Variants in CCBE1 observed in about 807,000 individuals in gnomAD.
The protein encoded by CCBE1 is collagen and calcium binding EGF domains 1, also known as collagen and calcium-binding EGF domain-containing protein 1.
In CCBE1, 37 loss-of-function variants were observed where a neutral mutation model predicts 50.0. The observed-to-expected ratio is 0.74, with a 90% CI of 0.57 to 0.97. The LOEUF (loss-of-function observed/expected upper bound fraction) is 0.97, where lower values mean the gene tolerates loss of function less well. Among genes scored for constraint, CCBE1 ranks in the 50% least tolerant of loss-of-function variants. CCBE1 has a pLI of 0.00. For synonymous variants in CCBE1, 234 were observed against 203.7 expected, an observed-to-expected ratio of 1.15 and a Z score of -1.27; for missense variants, 538 against 523.8, an observed-to-expected ratio of 1.03 and a Z score of -0.26.
intron 2 of CCBE1, among the ~76,000 whole-genome samples, chr18:59,604,810 T>C (rs904962527): frequency 6.6e-6 from 1 of 152,230 alleles, no homozygotes; most frequent in Admixed American, 6.5e-5. Context: ...TAGCAGTAAA[T>C]GTACTTTAAT....
intron 2 of CCBE1, among the ~76,000 whole-genome samples, chr18:59,536,381 A>C (rs1289994936): frequency 6.6e-6 from 1 of 152,174 alleles, no homozygotes; most frequent in Non-Finnish European, 1.5e-5. Context: ...CACCATGAGC[A>C]CCACCCTCCA....
At position 59,510,710 on chromosome 18, in the gene CCBE1, CCA is replaced by C. The variant is rs1361419101; in HGVS notation, c.213-30474_213-30473del. On this transcript the variant is annotated intron_variant, in intron 2 of 10. Coordinates refer to ENST00000439986, the MANE Select transcript of CCBE1 (RefSeq NM_133459.4). The stretch of plus-strand genomic sequence containing the variant: ...GTGCTGGGATTACAGGCAGGAGCCA[CCA>C]CACCCGGCCAGTTGCCAATTCAACT... Among the ~76,000 whole-genome samples, 6 of 152,350 alleles carry C rather than the reference CCA, an allele frequency of 3.9e-5. 1 individual carries two copies. In the East Asian group the frequency reaches 9.6e-4, roughly 24 times the overall value.
At chr18:59,449,336 G>A (rs1394692043) in intron 6 of CCBE1, among the ~76,000 whole-genome samples, 1 of 151,634 alleles carries the variant, frequency 6.6e-6, no homozygotes, top group Non-Finnish European at 1.5e-5. Context: ...AATGCTGTCT[G>A]GGGGCCTGGG....
chr18:59,526,319 T>G (rs1346056851), intron 2 of CCBE1, among the ~76,000 whole-genome samples: 4 of 151,376 alleles, frequency 2.6e-5, no homozygotes, highest in African/African-American at 7.3e-5. Flanking sequence ...ATTTTTTTTT[T>G]TTTTTTTGGA....
At chr18:59,511,762 G>A (rs1914142508) in intron 2 of CCBE1, among the ~76,000 whole-genome samples, 1 of 152,138 alleles carries the variant, frequency 6.6e-6, no homozygotes, top group South Asian at 2.1e-4. Context: ...AGAGATTGAT[G>A]TCATCAGCAG....
At chr18:59,466,436 A>G (rs1911746703) in intron 5 of CCBE1, among the ~76,000 whole-genome samples, 1 of 151,954 alleles carries the variant, frequency 6.6e-6, no homozygotes, top group East Asian at 1.9e-4. Flanking sequence ...TGGAACTGTG[A>G]GTTTTTTAAA....
At chr18:59,447,873 G>C in intron 7 of CCBE1, 110 bp downstream of exon 7, 1 of 1,546,148 alleles carries the variant, frequency 6.5e-7, no homozygotes, top group South Asian at 1.1e-5. Flanking sequence ...CACCTGCCTT[G>C]TTTCTCCTCG....
At chr18:59,546,675 CA>C (rs1346695699) in intron 2 of CCBE1, among the ~76,000 whole-genome samples, 1 of 152,146 alleles carries the variant, frequency 6.6e-6, no homozygotes, top group Non-Finnish European at 1.5e-5. Context: ...TTAAGAAATC[CA>C]AATCCCTTCC....
In CCBE1 at chr18:59,434,184, G is replaced by C. The variant is rs556647312; in HGVS notation, c.*1724C>G. The stretch of plus-strand genomic sequence containing the variant: ...ATTAGAGGCGTGGGCTACCACACCC[G>C]GCCAAGAGGGATTTTCTTTAAGCAA... On this transcript the variant is annotated 3_prime_UTR_variant, in exon 11 of 11. Transcript: ENST00000439986. 1.3e-5 allele frequency: 2 copies of C among 152,172 alleles called. No homozygotes were observed. Among genetic ancestry groups the C allele is most frequent in the South Asian group, 2.1e-4 (1 of 4,828 alleles). The allele number at this position is 152,172 out of a possible 1,614,324, so 9.4% of individuals were successfully genotyped here.
intron 5 of CCBE1, among the ~76,000 whole-genome samples, chr18:59,456,215 A>G (rs1380818532): frequency 3.9e-5 from 6 of 152,258 alleles, no homozygotes; most frequent in South Asian, 2.1e-4. Context: ...AAGCTGCCTA[A>G]GAACCAGGCT....
intron 2 of CCBE1, among the ~76,000 whole-genome samples, chr18:59,673,645 A>C (rs2054462977): frequency 6.6e-6 from 1 of 152,238 alleles, no homozygotes; most frequent in Admixed American, 6.5e-5. Context: ...GAGTTTTTTA[A>C]CATGAAGCAG....
intron 2 of CCBE1, among the ~76,000 whole-genome samples, chr18:59,527,183 C>A (rs1443442903): frequency 1.3e-5 from 2 of 152,192 alleles, no homozygotes; most frequent in African/African-American, 2.4e-5. Flanking sequence ...TCTGAGTGCT[C>A]CTGTACTGGG....
chr18:59,625,000 G>A (rs1402821555), intron 2 of CCBE1, among the ~76,000 whole-genome samples: 1 of 152,192 alleles, frequency 6.6e-6, no homozygotes, highest in Admixed American at 6.5e-5. Flanking sequence ...CTGGAGGATG[G>A]GAACCCCAAA....
chr18:59,543,834 CAAAAAAAAA>C (rs10678902), intron 2 of CCBE1, among the ~76,000 whole-genome samples: 1 of 69,026 alleles, frequency 1.4e-5, no homozygotes, highest in African/African-American at 7.2e-5. Flanking sequence ...GACTCCGTCT[CAAAAAAAAA>C]AAAAAAAAAA....
At chr18:59,515,971 T>C (rs1316219954) in intron 2 of CCBE1, among the ~76,000 whole-genome samples, 1 of 152,208 alleles carries the variant, frequency 6.6e-6, no homozygotes, top group Non-Finnish European at 1.5e-5. Flanking sequence ...TTTACTTTTA[T>C]TTTTTTGAGA....
chr18:59,482,324 G>A (rs1912610306), intron 2 of CCBE1, among the ~76,000 whole-genome samples: 1 of 152,192 alleles, frequency 6.6e-6, no homozygotes, highest in African/African-American at 2.4e-5. Context: ...TGGAGAAATA[G>A]GAACATTTTT....
At chr18:59,591,454 C>CAG (rs1307458156) in intron 2 of CCBE1, among the ~76,000 whole-genome samples, 1 of 151,964 alleles carries the variant, frequency 6.6e-6, no homozygotes, top group Non-Finnish European at 1.5e-5. Context: ...AGGCTGATAT[C>CAG]CCTAATATGT....
At chr18:59,647,255 A>G (rs1384579355) in intron 2 of CCBE1, among the ~76,000 whole-genome samples, 1 of 152,252 alleles carries the variant, frequency 6.6e-6, no homozygotes, top group Non-Finnish European at 1.5e-5. Flanking sequence ...AGTTTAACGT[A>G]ATCTCCAAAT....
At position 59,466,841 on chromosome 18, in the gene CCBE1, T is replaced by C. The variant is rs1420700268; in HGVS notation, c.451A>G (p.Ile151Val). The C allele has an allele frequency of 7.4e-6, 12 of 1,613,612 alleles. No individual in the cohort carries two copies. The highest frequency in any genetic ancestry group is 2.2e-5 in the East Asian group (1 of 44,890). The change falls in exon 5 of 11, where the codon ATC (isoleucine) becomes GTC (valine). Residue 151 changes from isoleucine to valine, a missense_variant. Coordinates refer to ENST00000439986, the MANE Select transcript of CCBE1 (RefSeq NM_133459.4). ...SNGTLCAHICINTLGSYRCEC... is the reference protein window; with the variant it reads ...SNGTLCAHICVNTLGSYRCEC... ...CAGCGGTAGCTGCCCAAGGTATTGA[T>C]GCAGATGTGGGCACACAGCGTCCCA...
Sources: gnomAD v4.1 joint callset for allele counts (sites outside exome capture counted in the v4.1 genomes callset) on GRCh38, gnomAD v4.1.1 for gene constraint, MANE v1.5 for transcripts, NCBI Gene and HGNC (gene_info 2026-07-23, HGNC 2026-07-21) for gene names.